The following NCR3LG1 variants were observed in gnomAD, a reference collection of about 807,000 sequenced individuals.
The protein encoded by NCR3LG1 is natural killer cell cytotoxicity receptor 3 ligand 1.
NCR3LG1 carries 35 observed loss-of-function variants against 34.8 expected under a neutral mutation model. The ratio of observed to expected loss-of-function variants is 1.01; its 90% CI spans 0.77 to 1.33. The LOEUF is 1.33. Among genes scored for constraint, NCR3LG1 ranks in the 40% most tolerant of loss-of-function variants. NCR3LG1 has a pLI of 0.00. For missense variants in NCR3LG1, 452 were observed against 423.3 expected, an observed-to-expected ratio of 1.07 and a Z score of -0.60; for synonymous variants, 173 against 163.6, an observed-to-expected ratio of 1.06 and a Z score of -0.44.
chr11:17,368,643 C>T (rs1394189031), intron 3 of NCR3LG1, among the ~76,000 whole-genome samples: 2 of 152,078 alleles, frequency 1.3e-5, no homozygotes, highest in Non-Finnish European at 2.9e-5. Context: ...TTATGTGGTA[C>T]GTGGTGTTCA....
rs138579909 is a variant in NCR3LG1 at position 17,373,856 on chromosome 11, C to T, written c.*1344C>T. On this transcript the variant is annotated 3_prime_UTR_variant, in exon 5 of 5. Transcript: ENST00000338965. ...ATCCTTATGGCTCCAGGACAAACTC[C>T]GCCTCCCCTTAGTGGAAACCAGTAT... is the stretch of plus-strand genomic sequence containing the variant. 1.2e-4 allele frequency: 18 copies of T among 152,316 alleles called. No individual in the cohort carries two copies. Among genetic ancestry groups the T allele is most frequent in the Admixed American group, 4.6e-4 (7 of 15,286 alleles). The allele number at this position is 152,316 out of a possible 1,614,324, so 9.4% of individuals were successfully genotyped here.
At chr11:17,357,055 A>T in intron 2 of NCR3LG1, 54 bp downstream of exon 2, 1 of 1,191,152 alleles carries the variant, frequency 8.4e-7, no homozygotes. Flanking sequence ...GGTTAGCAAC[A>T]ACAAAACCCA....
chr11:17,366,077 A>T (rs140573000), intron 2 of NCR3LG1, among the ~76,000 whole-genome samples: 102 of 152,292 alleles, frequency 6.7e-4, no homozygotes, highest in African/African-American at 2.4e-3. Context: ...ATGACCTCTC[A>T]TGTGAGAGGG....
In NCR3LG1 at chr11:17,357,183, C is replaced by A. The variant is rs199747532; in HGVS notation, c.421+182C>A. On this transcript the variant is annotated intron_variant, in intron 2 of 4. Coordinates refer to ENST00000338965, the MANE Select transcript of NCR3LG1 (RefSeq NM_001202439.3). ...ATAACAAAATACCATTGACTGGATG[C>A]CTTTAAACAACAGATGTTTATTTTT... Among the ~76,000 whole-genome samples, 4 of 152,086 alleles carry A rather than the reference C, an allele frequency of 2.6e-5. No homozygotes were observed. The East Asian group carries it at 5.8e-4, about 22-fold the overall frequency.
chr11:17,354,545 C>CTTTTTTTTTTTTTTT (rs71047545), intron 1 of NCR3LG1, among the ~76,000 whole-genome samples: 8 of 70,332 alleles, frequency 1.1e-4, no homozygotes, highest in Non-Finnish European at 2.4e-4. Context: ...AATTCTTCTT[C>CTTTTTTTTTTTTTTT]TTTTTTTTTT....
chr11:17,352,036 G>A lies in NCR3LG1; in HGVS notation c.67G>A (p.Glu23Lys), dbSNP rs1294520009. 1.3e-4 allele frequency: 89 copies of A among 687,186 alleles called. No individual in the cohort carries two copies. Among genetic ancestry groups the A allele is most frequent in the Non-Finnish European group, 1.7e-4 (79 of 460,812 alleles). 42.6% of individuals were successfully genotyped at this position (687,186 alleles called of 1,614,324 possible). Reference sequence around the variant, plus strand: ...GATTCTGCTGTGGGCGCTGACGACCGAAGGTAGGGGGCGGCTGGGGTGGGC... The same window carrying A: ...GATTCTGCTGTGGGCGCTGACGACCAAAGGTAGGGGGCGGCTGGGGTGGGC... The part of the protein sequence containing the change: ...LLILLWALTT[E>K]GDLKVEMMAG... Residue 23 changes from glutamate (E) to lysine (K), a missense_variant, in exon 1 of 5, where the codon GAA (glutamate) becomes AAA (lysine). Physicochemically the swap from Glu to Lys is moderately conservative, Grantham distance 56. Coordinates refer to ENST00000338965, the MANE Select transcript of NCR3LG1 (RefSeq NM_001202439.3).
intron 2 of NCR3LG1, among the ~76,000 whole-genome samples, chr11:17,358,444 G>A (rs886928279): frequency 6.6e-6 from 1 of 152,144 alleles, no homozygotes; most frequent in African/African-American, 2.4e-5. Context: ...TTGGGGTTAT[G>A]GGTTTTTGGA....
intron 2 of NCR3LG1, among the ~76,000 whole-genome samples, chr11:17,358,763 TATCA>T (rs1267799075): frequency 1.3e-5 from 2 of 152,182 alleles, no homozygotes; most frequent in African/African-American, 4.8e-5. Flanking sequence ...CAATCATTGA[TATCA>T]ATAAGGACTC....
intron 3 of NCR3LG1, among the ~76,000 whole-genome samples, chr11:17,368,641 T>C (rs1953373961): frequency 6.6e-6 from 1 of 152,168 alleles, no homozygotes; most frequent in African/African-American, 2.4e-5. Flanking sequence ...AATTATGTGG[T>C]ACGTGGTGTT....
intron 4 of NCR3LG1, 49 bp from the exon 5 acceptor site, chr11:17,371,957 A>G: frequency 3.0e-6 from 2 of 668,120 alleles, no homozygotes; most frequent in Non-Finnish European, 2.7e-6. Flanking sequence ...CGATCACTCC[A>G]GAAGGACAAA....
chr11:17,378,472 G>T (rs1953495002), downstream of NCR3LG1, among the ~76,000 whole-genome samples: 1 of 152,066 alleles, frequency 6.6e-6, no homozygotes, highest in Admixed American at 6.6e-5. Context: ...AACTCAAATT[G>T]TTTCCTCTCA....
rs568725653 is a variant in NCR3LG1, at chr11:17,375,457, C to G, written c.*2945C>G. ...AAATGTGCCTCTCTCACCAGGCACA[C>G]ACACTCAATCAGTTGAGCTGATCCC... is the stretch of plus-strand genomic sequence containing the variant. On this transcript the variant is annotated 3_prime_UTR_variant, in exon 5 of 5. Coordinates refer to ENST00000338965, the MANE Select transcript of NCR3LG1 (RefSeq NM_001202439.3). 57 of 152,320 alleles carry G rather than the reference C, an allele frequency of 3.7e-4. No homozygotes were observed. Among genetic ancestry groups the G allele is most frequent in the African/African-American group, 1.3e-3 (56 of 41,566 alleles). The allele number at this position is 152,320 out of a possible 1,614,324, so 9.4% of individuals were successfully genotyped here. A position where few individuals can be genotyped will look rare whatever the true frequency, so the allele number is the denominator to read the frequency against.
At position 17,356,985 on chromosome 11, in the gene NCR3LG1, C is replaced by T; in HGVS notation, c.405C>T (p.Val135=). The T allele has an allele frequency of 1.3e-6, 2 of 1,523,038 alleles. No homozygotes were observed. Among genetic ancestry groups the T allele is most frequent in the South Asian group, 1.2e-5 (1 of 82,656 alleles). 94.3% of individuals were successfully genotyped at this position (1,523,038 alleles called of 1,614,324 possible). The change falls in exon 2 of 5, where the codon GTC becomes GTT. Residue 135 remains valine (V), a synonymous_variant. Transcript: ENST00000338965. ...CCCCTCTGAAGGCACAGGGAACAGT[C>T]CAGCTTGAAGTTGTGGGTGAGTGTC... ...VVTPLKAQGT[V]QLEVVASPAS...
In NCR3LG1 at chr11:17,356,705, A is replaced by G; in HGVS notation, c.125A>G (p.Asp42Gly). Residue 42 changes from aspartate to glycine, a missense_variant, in exon 2 of 5, where the codon GAC becomes GGC. By Grantham distance (94) the Asp-to-Gly change is moderately conservative. Coordinates refer to ENST00000338965, the MANE Select transcript of NCR3LG1 (RefSeq NM_001202439.3). ...GGGACTCAGATCACACCCCTGAATG[A>G]CAATGTCACCATATTCTGCAATATC... ...AGGTQITPLN[D>G]NVTIFCNIFY... 6.5e-7 allele frequency: 1 copy of G among 1,536,384 alleles called. No homozygotes were observed. The highest frequency in any genetic ancestry group is 8.7e-7 in the Non-Finnish European group (1 of 1,146,958).
intron 2 of NCR3LG1, 28 bp downstream of exon 2, chr11:17,357,029 G>C (rs1299814602): frequency 7.0e-7 from 1 of 1,421,588 alleles, no homozygotes; most frequent in African/African-American, 1.4e-5. Flanking sequence ...GTGCCCTACA[G>C]TTCCCATGGT....
chr11:17,372,041 C>G lies in NCR3LG1; in HGVS notation c.894C>G (p.Leu298=), dbSNP rs565899443. Residue 298 remains leucine, a synonymous_variant, in exon 5 of 5, where the codon CTC becomes CTG. Coordinates refer to ENST00000338965, the MANE Select transcript of NCR3LG1 (RefSeq NM_001202439.3). ...CNKSSSAYTP[L]KCILKHWNSF... ...AATCATCTTCAGCCTATACTCCTCT[C>G]AAGTGCATTCTGAAACACTGGAACT... The G allele has an allele frequency of 3.2e-4, 222 of 702,576 alleles. 4 individuals carry two copies. The South Asian group carries it at 3.3e-3, about 10-fold the overall frequency. The allele number at this position is 702,576 out of a possible 1,614,324, so 43.5% of individuals were successfully genotyped here.
intron 2 of NCR3LG1, among the ~76,000 whole-genome samples, chr11:17,361,910 G>T (rs2133348702): frequency 6.6e-6 from 1 of 152,334 alleles, no homozygotes; most frequent in Admixed American, 6.5e-5. Flanking sequence ...CTCCCAAAGT[G>T]CTGGGATTAC....
At chr11:17,379,396 C>G (rs995929963), downstream of NCR3LG1, among the ~76,000 whole-genome samples, 4 of 152,220 alleles carry the variant, frequency 2.6e-5, no homozygotes, top group African/African-American at 9.6e-5. Flanking sequence ...TTCCCTGAAT[C>G]CATGTCCATT....
downstream of NCR3LG1, chr11:17,381,342 A>G (rs1324844144): frequency 6.6e-6 from 1 of 152,588 alleles, no homozygotes; most frequent in Non-Finnish European, 1.5e-5. Flanking sequence ...AGAGATGACA[A>G]GGTTTCTCAG....
Sources: gnomAD v4.1 joint callset for allele counts (sites outside exome capture counted in the v4.1 genomes callset) on GRCh38, gnomAD v4.1.1 for gene constraint, MANE v1.5 for transcripts, NCBI Gene and HGNC (gene_info 2026-07-23, HGNC 2026-07-21) for gene names.